The following NAALADL2 variants were observed in gnomAD, a reference collection of about 807,000 sequenced individuals.
NAALADL2 encodes the protein N-acetylated alpha-linked acidic dipeptidase like 2.
In NAALADL2, 76 loss-of-function variants were observed where a neutral mutation model predicts 87.2. The observed-to-expected ratio is 0.87, with a 90% CI of 0.72 to 1.05. The LOEUF is 1.05. Among genes scored for constraint, NAALADL2 ranks in the 50% least tolerant of loss-of-function variants. NAALADL2 has a pLI of 0.00. For missense variants in NAALADL2, 1,089 were observed against 945.8 expected (o/e 1.15, Z -1.99); for synonymous variants, 354 against 331.0 (o/e 1.07, Z -0.75).
At chr3:175,455,605 T>C (rs950358180) in intron 6 of NAALADL2, among the ~76,000 whole-genome samples, 2 of 152,146 alleles carry the variant, frequency 1.3e-5, no homozygotes, top group African/African-American at 4.8e-5. Context: ...CAAGCTCACA[T>C]GAATACTTGC....
At chr3:175,137,129 A>G (rs1399243476) in intron 2 of NAALADL2, among the ~76,000 whole-genome samples, 1 of 152,140 alleles carries the variant, frequency 6.6e-6, no homozygotes, top group African/African-American at 2.4e-5. Context: ...TTTCTTTTAT[A>G]CTAAAGAAAA....
intron 9 of NAALADL2, among the ~76,000 whole-genome samples, chr3:175,529,187 G>A (rs900810271): frequency 6.6e-6 from 1 of 152,188 alleles, no homozygotes; most frequent in Non-Finnish European, 1.5e-5. Context: ...TGAAGTAGTA[G>A]ACTGATTTCA....
chr3:174,922,582 A>G (rs552040556), intron 1 of NAALADL2, among the ~76,000 whole-genome samples: 1 of 152,278 alleles, frequency 6.6e-6, no homozygotes, highest in South Asian at 2.1e-4. Flanking sequence ...GATCCTATCC[A>G]GGAGCCCACA....
At chr3:174,648,591 G>A (rs1389716802) in intron 2 of NAALADL2, among the ~76,000 whole-genome samples, 2 of 151,870 alleles carry the variant, frequency 1.3e-5, no homozygotes, top group Non-Finnish European at 2.9e-5. Context: ...TTCCAGTATA[G>A]CACTATCTTA....
chr3:174,791,973 C>T (rs13326681), intron 3 of NAALADL2, among the ~76,000 whole-genome samples: 2,118 of 152,178 alleles, frequency 0.014, 62 homozygotes, highest in African/African-American at 0.049. Context: ...CTTTGGGAGG[C>T]CAAGGCAGGT....
At chr3:174,779,200 G>C (rs1007066628) in intron 3 of NAALADL2, among the ~76,000 whole-genome samples, 1 of 152,070 alleles carries the variant, frequency 6.6e-6, no homozygotes, top group Non-Finnish European at 1.5e-5. Context: ...ATCTCATTGT[G>C]GTTTTGATTT....
rs12629313 is a variant in NAALADL2 at position 175,275,875 on chromosome 3, T to C, written c.939+19345T>C. On this transcript the variant is annotated intron_variant, in intron 4 of 13. Coordinates refer to ENST00000454872, the MANE Select transcript of NAALADL2 (RefSeq NM_207015.3). ...ATAATAAGTTTAAGCTTTATAATAA[T>C]GATAGTAAGAAAACTCCTAAAACTA... 0.016 allele frequency among the ~76,000 whole-genome samples: 2,432 copies of C among 150,948 alleles called. 151 individuals are homozygous for C. The East Asian group carries it at 0.19, about 12-fold the overall frequency.
At chr3:174,711,741 G>A (rs894938588) in intron 2 of NAALADL2, among the ~76,000 whole-genome samples, 15 of 152,194 alleles carry the variant, frequency 9.9e-5, no homozygotes, top group African/African-American at 3.1e-4. Flanking sequence ...TTCTGCATGA[G>A]GTTTCTGTAT....
intron 1 of NAALADL2, among the ~76,000 whole-genome samples, chr3:174,542,058 G>C (rs571188526): frequency 6.6e-6 from 1 of 152,252 alleles, no homozygotes; most frequent in Admixed American, 6.5e-5. Context: ...TTAAGGGATG[G>C]GTTATTCAGA....
At chr3:174,458,830 G>A (rs1471578830) in intron 1 of NAALADL2, among the ~76,000 whole-genome samples, 3 of 152,156 alleles carry the variant, frequency 2.0e-5, no homozygotes, top group Admixed American at 2.0e-4. Context: ...ATTGCAATTA[G>A]CCTTTTATTA....
intron 4 of NAALADL2, among the ~76,000 whole-genome samples, chr3:175,258,310 TCCGC>T (rs1245722807): frequency 7.3e-4 from 76 of 104,780 alleles, no homozygotes; most frequent in South Asian, 2.0e-3. Context: ...ACTCCGTCCC[TCCGC>T]CCCCACCACC....
intron 11 of NAALADL2, among the ~76,000 whole-genome samples, chr3:175,651,792 A>G (rs542711067): frequency 9.1e-4 from 138 of 152,328 alleles, no homozygotes; most frequent in Non-Finnish European, 1.6e-3. Context: ...TTAATTTTGT[A>G]TCAAATATTA....
At chr3:175,294,257 T>C (rs1202842544) in intron 4 of NAALADL2, among the ~76,000 whole-genome samples, 5 of 152,214 alleles carry the variant, frequency 3.3e-5, no homozygotes, top group Non-Finnish European at 7.3e-5. Context: ...TTGTTGTTCT[T>C]CTATTCCTTG....
At chr3:174,851,449 A>T (rs1012126641) in intron 3 of NAALADL2, among the ~76,000 whole-genome samples, 1 of 152,044 alleles carries the variant, frequency 6.6e-6, no homozygotes, top group African/African-American at 2.4e-5. Context: ...GATAGCTAAG[A>T]AATTCAAAAG....
At chr3:175,274,547 T>C (rs1354429080) in intron 4 of NAALADL2, among the ~76,000 whole-genome samples, 1 of 152,198 alleles carries the variant, frequency 6.6e-6, no homozygotes, top group Non-Finnish European at 1.5e-5. Context: ...GTTTGCTTCT[T>C]CCTTTCAGAA....
intron 13 of NAALADL2, among the ~76,000 whole-genome samples, chr3:175,795,692 A>T (rs952417696): frequency 6.6e-6 from 1 of 151,218 alleles, no homozygotes; most frequent in African/African-American, 2.5e-5. Context: ...CAAAAAATAA[A>T]AAAATAAAAT....
chr3:175,526,570 A>G (rs1032674863), intron 9 of NAALADL2, among the ~76,000 whole-genome samples: 50 of 151,614 alleles, frequency 3.3e-4, no homozygotes, highest in African/African-American at 1.2e-3. Context: ...ATTTAATGTT[A>G]TTTCAGGTTA....
chr3:175,224,626 T>C (rs1275983481), intron 2 of NAALADL2, among the ~76,000 whole-genome samples: 1 of 152,122 alleles, frequency 6.6e-6, no homozygotes, highest in African/African-American at 2.4e-5. Flanking sequence ...TCTGGTATCA[T>C]GGATAATTCA....
chr3:174,637,724 T>C lies in NAALADL2; in HGVS notation c.-115+87087T>C, dbSNP rs77447925. ...AGAAGAAATATTCACAATATAATTC[T>C]ATGTTAAAAATACAAAACGGTACAT... On this transcript the variant is annotated intron_variant, in intron 2 of 3. Coordinates refer to the NAALADL2 transcript ENST00000434257. Among the ~76,000 whole-genome samples, 316 of 152,288 alleles carry C rather than the reference T, an allele frequency of 2.1e-3. 5 individuals are homozygous for C. The East Asian group carries it at 0.055, about 26-fold the overall frequency.
Sources: allele counts gnomAD v4.1 joint callset (sites outside exome capture counted in the v4.1 genomes callset), GRCh38; gene constraint gnomAD v4.1.1; transcripts MANE v1.5; gene names NCBI Gene and HGNC (gene_info 2026-07-23, HGNC 2026-07-21).